EPHA4: variants seen among roughly 807,000 people sequenced by gnomAD.
The protein encoded by EPHA4 is EPH receptor A4, also known as ephrin type-A receptor 4.
In EPHA4, 19 loss-of-function variants were observed where a neutral mutation model predicts 108.3. The observed-to-expected ratio is 0.18, with a 90% CI of 0.12 to 0.26. The LOEUF (loss-of-function observed/expected upper bound fraction) is 0.26. Among genes scored for constraint, EPHA4 ranks in the 10% least tolerant of loss-of-function variants. The probability of loss-of-function intolerance (pLI) is 1.00; values close to 1 mark genes in which losing one functional copy is unlikely to be tolerated. For synonymous variants in EPHA4, 449 were observed against 455.5 expected (o/e 0.99, Z 0.18); for missense variants, 917 against 1,254.0 (o/e 0.73, Z 4.06).
At chr2:221,471,778 A>G (rs1422237098) in intron 5 of EPHA4, among the ~76,000 whole-genome samples, 1 of 152,154 alleles carries the variant, frequency 6.6e-6, no homozygotes, top group East Asian at 1.9e-4. Flanking sequence ...AACACAGTGT[A>G]TGCTTCTTAA....
chr2:221,512,912 A>G (rs977880462), intron 3 of EPHA4, among the ~76,000 whole-genome samples: 1 of 152,328 alleles, frequency 6.6e-6, no homozygotes, highest in East Asian at 1.9e-4. Context: ...TTCCTCTCAC[A>G]TTTTAAGGAG....
chr2:221,469,601 G>A (rs560401613), intron 5 of EPHA4, among the ~76,000 whole-genome samples: 37 of 152,200 alleles, frequency 2.4e-4, no homozygotes, highest in African/African-American at 7.0e-4. Context: ...AAATTACTCC[G>A]TCTTCATCAC....
chr2:221,427,460 A>AT (rs1479691268), intron 15 of EPHA4, among the ~76,000 whole-genome samples: 1 of 152,230 alleles, frequency 6.6e-6, no homozygotes, highest in Non-Finnish European at 1.5e-5. Context: ...TCATTTACTA[A>AT]TAAAAACTAT....
intron 3 of EPHA4, among the ~76,000 whole-genome samples, chr2:221,540,111 A>G (rs1005596122): frequency 6.6e-6 from 1 of 152,014 alleles, no homozygotes; most frequent in Non-Finnish European, 1.5e-5. Flanking sequence ...CTAGAGATGG[A>G]ATTTCACCAT....
At chr2:221,570,916 C>CGGATGGACGGACGGATAGATAGAT (rs1694816678) in intron 1 of EPHA4, among the ~76,000 whole-genome samples, 2 of 151,392 alleles carry the variant, frequency 1.3e-5, no homozygotes, top group Non-Finnish European at 2.9e-5. Flanking sequence ...GATAGATAGA[C>CGGATGGACGGACGGATAGATAGAT]GGATGGACGG....
At chr2:221,472,591 T>C (rs1574591795) in intron 5 of EPHA4, among the ~76,000 whole-genome samples, 2 of 152,066 alleles carry the variant, frequency 1.3e-5, no homozygotes, top group East Asian at 3.9e-4. Context: ...AACTTATCTG[T>C]CCCACAGCCT....
At chr2:221,438,101 G>A (rs113309263) in intron 11 of EPHA4, among the ~76,000 whole-genome samples, 117 of 152,082 alleles carry the variant, frequency 7.7e-4, no homozygotes, top group African/African-American at 2.6e-3. Context: ...TCACAGGAAA[G>A]GTTCAGAAAA....
At chr2:221,483,560 G>T (rs1018901516) in intron 4 of EPHA4, among the ~76,000 whole-genome samples, 2 of 149,740 alleles carry the variant, frequency 1.3e-5, no homozygotes, top group African/African-American at 2.5e-5. Context: ...CTGTCACCCA[G>T]GCTGGAGTGC....
intron 3 of EPHA4, among the ~76,000 whole-genome samples, chr2:221,535,434 A>G (rs1693640516): frequency 6.6e-6 from 1 of 152,268 alleles, no homozygotes; most frequent in Non-Finnish European, 1.5e-5. Context: ...TCTTACAGCT[A>G]CTAAAAGTAA....
intron 3 of EPHA4, among the ~76,000 whole-genome samples, chr2:221,507,254 C>T (rs951763398): frequency 6.6e-6 from 1 of 152,184 alleles, no homozygotes; most frequent in African/African-American, 2.4e-5. Flanking sequence ...TAATAAAGTG[C>T]ATGTTCTTGT....
At chr2:221,559,687 TC>T (rs1694402201) in intron 3 of EPHA4, among the ~76,000 whole-genome samples, 1 of 152,342 alleles carries the variant, frequency 6.6e-6, no homozygotes, top group East Asian at 1.9e-4. Flanking sequence ...GGTATGTCTG[TC>T]CGGAAGGAGA....
At chr2:221,448,808 T>G (rs1353257783) in intron 8 of EPHA4, among the ~76,000 whole-genome samples, 1 of 151,974 alleles carries the variant, frequency 6.6e-6, no homozygotes, top group African/African-American at 2.4e-5. Flanking sequence ...ATGCATAGAG[T>G]GAGAAAGCTT....
intron 3 of EPHA4, among the ~76,000 whole-genome samples, chr2:221,518,134 G>T (rs1693044629): frequency 6.6e-6 from 1 of 152,128 alleles, no homozygotes; most frequent in African/African-American, 2.4e-5. Flanking sequence ...ATAGGTAGCT[G>T]GTTTTCAGGA....
intron 3 of EPHA4, among the ~76,000 whole-genome samples, chr2:221,514,797 GA>G (rs1692941157): frequency 1.3e-5 from 2 of 152,172 alleles, no homozygotes; most frequent in African/African-American, 4.8e-5. Flanking sequence ...CCATGATGTT[GA>G]CATGCTCCCA....
At chr2:221,486,893 C>G (rs545086098) in intron 4 of EPHA4, among the ~76,000 whole-genome samples, 1 of 152,134 alleles carries the variant, frequency 6.6e-6, no homozygotes, top group Non-Finnish European at 1.5e-5. Context: ...TTTAATGCAT[C>G]TTATACCCAG....
intron 4 of EPHA4, among the ~76,000 whole-genome samples, chr2:221,497,069 GT>G (rs1471678584): frequency 5.5e-4 from 8 of 14,592 alleles, no homozygotes; most frequent in Non-Finnish European, 7.2e-4. Flanking sequence ...GCACGCAAGG[GT>G]AAAAAATCAC....
chr2:221,466,884 T>A (rs1030756024), intron 5 of EPHA4, among the ~76,000 whole-genome samples: 11 of 150,650 alleles, frequency 7.3e-5, no homozygotes, highest in African/African-American at 2.8e-4. Context: ...TCTCTGCCCC[T>A]CCTTTCCATG....
At chr2:221,541,537 G>A (rs1336532177) in intron 3 of EPHA4, among the ~76,000 whole-genome samples, 4 of 152,254 alleles carry the variant, frequency 2.6e-5, no homozygotes, top group East Asian at 1.9e-4. Context: ...CCGGGGAGGC[G>A]GACAGAAGTA....
At chr2:221,465,873 C>T (rs1003022084) in intron 5 of EPHA4, among the ~76,000 whole-genome samples, 1 of 152,038 alleles carries the variant, frequency 6.6e-6, no homozygotes, top group African/African-American at 2.4e-5. Context: ...TGAAGTGGAG[C>T]CTTCTGGCAA....
Sources: gnomAD v4.1 joint callset for allele counts (sites outside exome capture counted in the v4.1 genomes callset) on GRCh38, gnomAD v4.1.1 for gene constraint, MANE v1.5 for transcripts, NCBI Gene and HGNC (gene_info 2026-07-23, HGNC 2026-07-21) for gene names.